The following KDM2B variants were observed in gnomAD, a reference collection of about 807,000 sequenced individuals.
KDM2B encodes the protein lysine demethylase 2B, also known as lysine-specific demethylase 2B.
In KDM2B, 26 loss-of-function variants were observed where a neutral mutation model predicts 150.0. The observed-to-expected ratio is 0.17, with a 90% confidence interval of 0.13 to 0.24. The LOEUF is 0.24. KDM2B is among the 10% of genes least tolerant of loss of function. The probability of loss-of-function intolerance (pLI) is 1.00; values close to 1 mark genes in which losing one functional copy is unlikely to be tolerated. For missense variants in KDM2B, 1,265 were observed against 1,816.9 expected (o/e 0.70, Z 5.52); for synonymous variants, 734 against 729.5 (o/e 1.01, Z -0.10).
downstream of KDM2B, among the ~76,000 whole-genome samples, chr12:121,425,943 A>G (rs1039541380): frequency 2.6e-5 from 4 of 151,824 alleles, no homozygotes; most frequent in African/African-American, 9.7e-5. Context: ...ATTTTTCTGT[A>G]TATTTAGTAG....
chr12:121,513,393 T>C lies in KDM2B; in HGVS notation c.1057A>G (p.Lys353Glu). 1 of 1,610,708 alleles carries C rather than the reference T, an allele frequency of 6.2e-7. No individual in the cohort carries two copies. The highest frequency in any genetic ancestry group is 8.5e-7 in the Non-Finnish European group (1 of 1,177,410). ...TCATAGTAGAAGGGGTAACGGAATT[T>C]GGGCTGCACCTGAAAGCAAAGACGC... Reference protein sequence around the residue: ...EIEDRTRVQPKFRYPFYYEMC... With the variant: ...EIEDRTRVQPEFRYPFYYEMC... The change falls in exon 10 of 23, where the codon AAA becomes GAA. Residue 353 changes from lysine to glutamate, a missense_variant. Around this residue, in one of 11 missense-constraint regions of KDM2B, gnomAD observed 214 missense variants for 447.4 expected, o/e 0.48. Coordinates refer to ENST00000377071, the MANE Select transcript of KDM2B (RefSeq NM_032590.5). The surrounding 1 kb of genome is among the most constrained non-coding windows in gnomAD (Gnocchi z 5.0).
At chr12:121,522,238 G>A (rs1010267751) in intron 8 of KDM2B, among the ~76,000 whole-genome samples, 5 of 152,048 alleles carry the variant, frequency 3.3e-5, no homozygotes, top group South Asian at 2.1e-4. Flanking sequence ...ATTCATGGCC[G>A]GGCATGGTGG....
chr12:121,421,047 C>T, the KDM2B span, among the ~76,000 whole-genome samples: 6 of 152,064 alleles, frequency 3.9e-5, no homozygotes, highest in African/African-American at 1.2e-4. Context: ...CTATTTGTTA[C>T]AACCCTAATT....
At chr12:121,498,801 A>T (rs1279924388) in intron 11 of KDM2B, among the ~76,000 whole-genome samples, 1 of 152,132 alleles carries the variant, frequency 6.6e-6, no homozygotes, top group Non-Finnish European at 1.5e-5. Flanking sequence ...TAACAAATTA[A>T]TAATAATAAA....
intron 12 of KDM2B, among the ~76,000 whole-genome samples, chr12:121,473,274 C>G (rs1282715219): frequency 1.3e-5 from 2 of 151,862 alleles, no homozygotes; most frequent in Non-Finnish European, 2.9e-5. Flanking sequence ...CATCTGTAAC[C>G]CCAGTTACTT....
rs1374479604 is a variant in KDM2B at position 121,520,560 on chromosome 12, G to A, written c.1047+425C>T. The stretch of plus-strand genomic sequence containing the variant: ...CCAGTCAGATCTGGGGTCCCTGGGA[G>A]AACATATAGCCAAGACCTGACCTCA... On this transcript the variant is annotated intron_variant, in intron 9 of 22. Coordinates refer to ENST00000377071, the MANE Select transcript of KDM2B (RefSeq NM_032590.5). This position sits in a 1 kb window ranked among gnomAD's most constrained non-coding sequence, Gnocchi z 4.5. Among the ~76,000 whole-genome samples the A allele has an allele frequency of 1.3e-5, 2 of 152,082 alleles. No individual in the cohort carries two copies. The highest frequency in any genetic ancestry group is 2.9e-5 in the Non-Finnish European group (2 of 68,014).
chr12:121,568,719 T>C (rs541749762), intron 4 of KDM2B, among the ~76,000 whole-genome samples: 93 of 152,262 alleles, frequency 6.1e-4, no homozygotes, highest in Non-Finnish European at 1.1e-3. Flanking sequence ...GGATTCTGGG[T>C]ACTGGTTACC....
At chr12:121,573,317 C>G (rs1891255386) in intron 4 of KDM2B, among the ~76,000 whole-genome samples, 2 of 149,426 alleles carry the variant, frequency 1.3e-5, no homozygotes, top group African/African-American at 5.0e-5. Context: ...GAGTCTTACT[C>G]TGTTACCTAG....
chr12:121,435,197 G>A (rs1873788500), intron 22 of KDM2B, among the ~76,000 whole-genome samples: 1 of 152,208 alleles, frequency 6.6e-6, no homozygotes, highest in African/African-American at 2.4e-5. Context: ...GGAGATGGAT[G>A]TTGGTGACAG....
chr12:121,566,092 GA>G (rs377267850), intron 4 of KDM2B, among the ~76,000 whole-genome samples: 2 of 152,084 alleles, frequency 1.3e-5, no homozygotes, highest in African/African-American at 4.8e-5. Context: ...GGCTTTTTGA[GA>G]AAAACGTGAA....
chr12:121,412,786 G>A, the KDM2B span, among the ~76,000 whole-genome samples: 4 of 148,980 alleles, frequency 2.7e-5, no homozygotes, highest in Non-Finnish European at 4.4e-5. Context: ...GTGCAGTGGC[G>A]TGATCTCGGC....
At chr12:121,478,820 T>G (rs1421577463) in intron 12 of KDM2B, among the ~76,000 whole-genome samples, 1 of 151,044 alleles carries the variant, frequency 6.6e-6, no homozygotes, top group African/African-American at 2.4e-5. Flanking sequence ...CCCAAGCAGC[T>G]GCGACTACAG....
chr12:121,465,395 G>A (rs1879749338), intron 12 of KDM2B, among the ~76,000 whole-genome samples: 1 of 152,080 alleles, frequency 6.6e-6, no homozygotes, highest in South Asian at 2.1e-4. Flanking sequence ...CACCACGCCG[G>A]GCTCACTTTT....
intron 13 of KDM2B, among the ~76,000 whole-genome samples, chr12:121,445,621 G>A (rs1370034916): frequency 1.3e-5 from 2 of 152,172 alleles, no homozygotes; most frequent in East Asian, 3.8e-4. Flanking sequence ...CTTAATTGCT[G>A]GGGATACAGC....
Position 121,520,471 on chromosome 12 carries a change from A to G in KDM2B, c.1047+514T>C, listed in dbSNP as rs1172118254. 6.6e-6 allele frequency among the ~76,000 whole-genome samples: 1 copy of G among 152,122 alleles called. No individual in the cohort carries two copies. The highest frequency in any genetic ancestry group is 1.9e-4 in the East Asian group (1 of 5,190). On this transcript the variant is annotated intron_variant, in intron 9 of 22. Coordinates refer to ENST00000377071, the MANE Select transcript of KDM2B (RefSeq NM_032590.5). The surrounding 1 kb of genome is among the most constrained non-coding windows in gnomAD (Gnocchi z 4.5). ...GAAACTAGAGACGTCCTCAGCAGAC[A>G]TGGAGACTACCTCAGAGACAGTACC...
At chr12:121,446,290 C>T (rs1456921181) in intron 13 of KDM2B, among the ~76,000 whole-genome samples, 3 of 152,158 alleles carry the variant, frequency 2.0e-5, no homozygotes, top group East Asian at 3.9e-4. Flanking sequence ...CCCAGCTACT[C>T]GGGAGACTGA....
chr12:121,455,780 G>A (rs943819356), intron 12 of KDM2B, among the ~76,000 whole-genome samples: 41 of 152,216 alleles, frequency 2.7e-4, no homozygotes, highest in African/African-American at 8.2e-4. Context: ...GTCCCACTGC[G>A]ATTAGCACCT....
At chr12:121,577,211 C>T (rs527680903) in intron 2 of KDM2B, among the ~76,000 whole-genome samples, 4 of 152,160 alleles carry the variant, frequency 2.6e-5, no homozygotes, top group Admixed American at 2.0e-4. Flanking sequence ...CCCTCTAGAC[C>T]CACCCACCCT....
chr12:121,501,206 G>A (rs1555301866), intron 11 of KDM2B, among the ~76,000 whole-genome samples: 2 of 152,058 alleles, frequency 1.3e-5, no homozygotes, highest in African/African-American at 4.8e-5. Context: ...GAGACACAAA[G>A]AAGAAATCTA....
Sources: allele counts gnomAD v4.1 joint callset (sites outside exome capture counted in the v4.1 genomes callset), GRCh38; gene constraint gnomAD v4.1.1; regional missense constraint gnomAD v4.1.1; non-coding constraint Gnocchi (gnomAD v3.1); transcripts MANE v1.5; gene names NCBI Gene and HGNC (gene_info 2026-07-23, HGNC 2026-07-21).